GRM5: variants seen among roughly 807,000 people sequenced by gnomAD.
The protein encoded by GRM5 is metabotropic glutamate receptor 5.
In GRM5, 19 loss-of-function variants were observed where a neutral mutation model predicts 83.1. The ratio of observed to expected loss-of-function variants is 0.23; its 90% confidence interval spans 0.16 to 0.34. The LOEUF is 0.34. Ranked by LOEUF, GRM5 falls within the 10% of genes least tolerant of loss-of-function variation. The pLI is 1.00. For synonymous variants in GRM5, 675 were observed against 633.6 expected (o/e 1.07, Z -0.98); for missense variants, 1,160 against 1,588.3 (o/e 0.73, Z 4.58).
intron 2 of GRM5, among the ~76,000 whole-genome samples, chr11:89,043,966 C>G (rs1941587341): frequency 6.6e-6 from 1 of 152,106 alleles, no homozygotes; most frequent in Non-Finnish European, 1.5e-5. Context: ...AAGGCCAGTG[C>G]TACATGAAAG....
chr11:88,786,770 C>A (rs188094326), intron 3 of GRM5, among the ~76,000 whole-genome samples: 21 of 152,000 alleles, frequency 1.4e-4, no homozygotes, highest in Admixed American at 2.6e-4. Flanking sequence ...CGTTACATAC[C>A]TTTCTGTGTC....
chr11:88,514,789 C>G (rs530272895), intron 9 of GRM5, among the ~76,000 whole-genome samples: 11 of 152,168 alleles, frequency 7.2e-5, no homozygotes, highest in South Asian at 4.1e-4. Context: ...ATTAACGAGG[C>G]CTTAAAGCTT....
chr11:88,929,718 A>G (rs1937644903), intron 2 of GRM5, among the ~76,000 whole-genome samples: 1 of 152,146 alleles, frequency 6.6e-6, no homozygotes. Context: ...AATTAAATGC[A>G]TTTATTACTT....
At chr11:88,841,863 T>A (rs1944209678) in intron 3 of GRM5, among the ~76,000 whole-genome samples, 1 of 152,158 alleles carries the variant, frequency 6.6e-6, no homozygotes. Context: ...CTTTTCACTG[T>A]AATGCATGAT....
At chr11:89,048,546 T>C (rs558945637) in intron 1 of GRM5, among the ~76,000 whole-genome samples, 51 of 152,368 alleles carry the variant, frequency 3.3e-4, no homozygotes, top group Non-Finnish European at 6.5e-4. Flanking sequence ...TAATTAATTA[T>C]GCAATTACAA....
chr11:89,023,184 C>T (rs1444345535), intron 2 of GRM5, among the ~76,000 whole-genome samples: 1 of 151,336 alleles, frequency 6.6e-6, no homozygotes, highest in African/African-American at 2.4e-5. Context: ...TGCACATGTG[C>T]GTTCATTGTG....
chr11:88,988,781 A>T (rs1939843485), intron 2 of GRM5, among the ~76,000 whole-genome samples: 1 of 148,040 alleles, frequency 6.8e-6, no homozygotes, highest in Non-Finnish European at 1.5e-5. Context: ...GTGAAGGAGA[A>T]ATAAAATCCT....
intron 4 of GRM5, among the ~76,000 whole-genome samples, chr11:88,620,720 C>A (rs138372312): frequency 1.6e-3 from 244 of 152,286 alleles, no homozygotes; most frequent in African/African-American, 5.6e-3. Flanking sequence ...TCATCCTATG[C>A]CTAACACTAT....
At chr11:88,912,553 G>C (rs1945517350) in intron 2 of GRM5, among the ~76,000 whole-genome samples, 1 of 138,714 alleles carries the variant, frequency 7.2e-6, no homozygotes, top group South Asian at 2.5e-4. Flanking sequence ...GTGGGAGGGG[G>C]GAGGGCTCAG....
intron 2 of GRM5, among the ~76,000 whole-genome samples, chr11:89,045,605 T>C (rs1220198734): frequency 6.6e-6 from 1 of 152,146 alleles, no homozygotes; most frequent in Non-Finnish European, 1.5e-5. Flanking sequence ...ATTAGATTGT[T>C]ATTGGGGTAA....
intron 2 of GRM5, among the ~76,000 whole-genome samples, chr11:88,911,225 A>G (rs1282660678): frequency 1.3e-5 from 2 of 152,136 alleles, no homozygotes; most frequent in Non-Finnish European, 2.9e-5. Flanking sequence ...AGGCAGAAGG[A>G]TAACTAGTTG....
At chr11:88,568,233 C>A (rs773670019) in intron 7 of GRM5, among the ~76,000 whole-genome samples, 1 of 152,094 alleles carries the variant, frequency 6.6e-6, no homozygotes, top group Non-Finnish European at 1.5e-5. Flanking sequence ...CAAAATAATG[C>A]AGAACATGTT....
At chr11:88,692,601 C>T (rs1464806370) in intron 3 of GRM5, among the ~76,000 whole-genome samples, 2 of 152,106 alleles carry the variant, frequency 1.3e-5, no homozygotes, top group Non-Finnish European at 2.9e-5. Flanking sequence ...TCTTAAAATG[C>T]TAGGTGTTAA....
rs747297074 is a variant in GRM5, at chr11:88,508,736, C to T, written c.3495G>A (p.Pro1165=). ...CCACCGAGTCTCTGAAGGGGGACGG[C>T]GGGGTGAGAGCCACCAGCTCCTCCA... The part of the protein sequence containing the change: ...PDLEELVALT[P]PSPFRDSVDS... The change falls in exon 10 of 10, where the codon CCG becomes CCA. Residue 1165 remains proline (P), a synonymous_variant. Transcript: ENST00000305447. This position sits in a 1 kb window ranked among gnomAD's most constrained non-coding sequence, Gnocchi z 4.2. The T allele has an allele frequency of 4.4e-6, 7 of 1,577,502 alleles. No individual in the cohort carries two copies. The East Asian group carries it at 7.4e-5, about 17-fold the overall frequency.
chr11:88,676,434 G>A (rs1013709129), intron 3 of GRM5, among the ~76,000 whole-genome samples: 1 of 151,980 alleles, frequency 6.6e-6, no homozygotes, highest in Non-Finnish European at 1.5e-5. Flanking sequence ...CACACTTGAA[G>A]TTCCTTGGGG....
At chr11:89,059,945 C>A in intron 1 of GRM5, among the ~76,000 whole-genome samples, 1 of 151,966 alleles carries the variant, frequency 6.6e-6, no homozygotes, top group South Asian at 2.1e-4. Flanking sequence ...TATAACCCAT[C>A]CCCCAATTTG....
At chr11:88,572,626 T>C (rs1236915217) in intron 7 of GRM5, among the ~76,000 whole-genome samples, 1 of 152,156 alleles carries the variant, frequency 6.6e-6, no homozygotes, top group East Asian at 1.9e-4. Context: ...CTTGAAATAA[T>C]GCTAACCTCA....
Position 88,507,126 on chromosome 11 carries a change from G to C in GRM5, c.*1466C>G. On this transcript the variant is annotated 3_prime_UTR_variant, in exon 10 of 10. Coordinates refer to ENST00000305447, the MANE Select transcript of GRM5 (RefSeq NM_001143831.3). ...TGAACTATGAATTCTACCTATTTGA[G>C]ACTATCAAAGCACACTTGTTTCTGT... 1 of 152,110 alleles carries C rather than the reference G, an allele frequency of 6.6e-6. No homozygotes were observed. Among genetic ancestry groups the C allele is most frequent in the South Asian group, 2.1e-4 (1 of 4,830 alleles). The allele number at this position is 152,110 out of a possible 1,614,324, so 9.4% of individuals were successfully genotyped here.
At chr11:88,541,913 C>T (rs1391101689) in intron 8 of GRM5, among the ~76,000 whole-genome samples, 1 of 152,188 alleles carries the variant, frequency 6.6e-6, no homozygotes, top group Admixed American at 6.5e-5. Flanking sequence ...CCCCCATGCT[C>T]TTCTCATGAT....
Sources: allele counts gnomAD v4.1 joint callset (sites outside exome capture counted in the v4.1 genomes callset), GRCh38; gene constraint gnomAD v4.1.1; non-coding constraint Gnocchi (gnomAD v3.1); transcripts MANE v1.5; gene names NCBI Gene and HGNC (gene_info 2026-07-23, HGNC 2026-07-21).